Variants in PREX1 observed in about 807,000 individuals in gnomAD.
PREX1 encodes the protein phosphatidylinositol-3,4,5-trisphosphate dependent Rac exchange factor 1.
A neutral mutation model predicts 198.3 loss-of-function variants in PREX1; 41 were observed. That is an observed-to-expected ratio of 0.21 (90% CI 0.16 to 0.27). The LOEUF (loss-of-function observed/expected upper bound fraction) is 0.27, where lower values mean the gene tolerates loss of function less well. PREX1 is among the 10% of genes least tolerant of loss of function. PREX1 has a pLI of 1.00. For missense variants in PREX1, 1,620 were observed against 2,200.7 expected (o/e 0.74, Z 5.28); for synonymous variants, 843 against 887.2 (o/e 0.95, Z 0.89).
At chr20:48,764,510 C>T (rs1461354675) in intron 1 of PREX1, among the ~76,000 whole-genome samples, 4 of 152,080 alleles carry the variant, frequency 2.6e-5, no homozygotes, top group East Asian at 1.9e-4. Flanking sequence ...GGGCTAGGCA[C>T]GATGGCTGAA....
At chr20:48,873,554 C>CAAAAAAAAAA in the PREX1 span, among the ~76,000 whole-genome samples, 1 of 70,100 alleles carries the variant, frequency 1.4e-5, no homozygotes, top group Admixed American at 1.8e-4. Flanking sequence ...AGTAAAAATA[C>CAAAAAAAAAA]AAAAAAAAAA....
At chr20:48,887,504 C>A in the PREX1 span, among the ~76,000 whole-genome samples, 4 of 152,154 alleles carry the variant, frequency 2.6e-5, no homozygotes, top group Admixed American at 1.3e-4. Flanking sequence ...CCTGTGGTCC[C>A]AGCTACTTGG....
At position 48,760,357 on chromosome 20, in the gene PREX1, C is replaced by T. The variant is rs4810874; in HGVS notation, c.220-12477G>A. ...AAATAGCTCTATTATTATAGACTGC[C>T]TGCTTCCGAGTCTCCTGAGGTGAGA... is the stretch of plus-strand genomic sequence containing the variant. On this transcript the variant is annotated intron_variant, in intron 1 of 39. Transcript: ENST00000371941. 1.4e-3 allele frequency among the ~76,000 whole-genome samples: 210 copies of T among 152,126 alleles called. 4 individuals are homozygous for T. The highest frequency in any genetic ancestry group is 0.013 in the East Asian group (66 of 5,188).
At position 48,827,135 on chromosome 20, in the gene PREX1, A is replaced by C. The variant is rs1363405251; in HGVS notation, c.219+507T>G. The stretch of plus-strand genomic sequence containing the variant: ...CAAAAACCTGTGCATGGGGGATTCT[A>C]CCCTGGGGTTCTGTCAATCCCCGCC... On this transcript the variant is annotated intron_variant, in intron 1 of 39. Coordinates refer to ENST00000371941, the MANE Select transcript of PREX1 (RefSeq NM_020820.4). This position sits in a 1 kb window ranked among gnomAD's most constrained non-coding sequence, Gnocchi z 4.1. Among the ~76,000 whole-genome samples, 1 of 152,078 alleles carries C rather than the reference A, an allele frequency of 6.6e-6. No homozygotes were observed. The highest frequency in any genetic ancestry group is 2.4e-5 in the African/African-American group (1 of 41,410).
At chr20:48,853,172 A>G in the PREX1 span, among the ~76,000 whole-genome samples, 2 of 152,230 alleles carry the variant, frequency 1.3e-5, no homozygotes, top group Non-Finnish European at 2.9e-5. Context: ...ATAATTATAC[A>G]TAAATAGAAA....
At chr20:48,857,894 G>T in the PREX1 span, among the ~76,000 whole-genome samples, 8 of 152,240 alleles carry the variant, frequency 5.3e-5, no homozygotes, top group Non-Finnish European at 8.8e-5. Context: ...CATGCCCAGA[G>T]CCAGGTAAAA....
intron 1 of PREX1, among the ~76,000 whole-genome samples, chr20:48,798,739 T>C (rs982874077): frequency 1.3e-5 from 2 of 152,142 alleles, no homozygotes; most frequent in African/African-American, 4.8e-5. Context: ...TGGAGGAGCT[T>C]TGGCATGCAG....
chr20:48,862,790 A>AATATATATATATATATATATATATATAT, the PREX1 span, among the ~76,000 whole-genome samples: 1 of 102,584 alleles, frequency 9.7e-6, no homozygotes. Context: ...TAAAAAAAAA[A>AATATATATATATATATATATATATATAT]ATATATATAT....
the PREX1 span, among the ~76,000 whole-genome samples, chr20:48,833,914 T>G: frequency 6.6e-6 from 1 of 152,076 alleles, no homozygotes; most frequent in Non-Finnish European, 1.5e-5. Flanking sequence ...AAACCCCATC[T>G]TTACTAAAAA....
intron 1 of PREX1, among the ~76,000 whole-genome samples, chr20:48,798,499 A>C (rs2059018276): frequency 6.6e-6 from 1 of 152,158 alleles, no homozygotes; most frequent in Non-Finnish European, 1.5e-5. Context: ...AAGGCCCTGC[A>C]TGCTCTGTCC....
chr20:48,801,166 A>T (rs1200084038), intron 1 of PREX1, among the ~76,000 whole-genome samples: 1 of 152,220 alleles, frequency 6.6e-6, no homozygotes, highest in African/African-American at 2.4e-5. Context: ...AGAACCAGCT[A>T]CTAGTAGCAG....
intron 5 of PREX1, among the ~76,000 whole-genome samples, chr20:48,714,100 G>T (rs1260551338): frequency 2.0e-5 from 3 of 152,068 alleles, no homozygotes; most frequent in Non-Finnish European, 4.4e-5. Flanking sequence ...ATGGATCACA[G>T]ACCTAAATGT....
At chr20:48,671,438 A>C (rs1250258907) in intron 14 of PREX1, among the ~76,000 whole-genome samples, 2 of 152,244 alleles carry the variant, frequency 1.3e-5, no homozygotes, top group African/African-American at 2.4e-5. Flanking sequence ...CTAGGACCAC[A>C]AACTCCAGAC....
At chr20:48,658,584 A>G (rs573180686) in intron 16 of PREX1, among the ~76,000 whole-genome samples, 4 of 152,322 alleles carry the variant, frequency 2.6e-5, no homozygotes, top group South Asian at 2.1e-4. Context: ...CATTCAGTCA[A>G]CAGACATTGA....
upstream of PREX1, among the ~76,000 whole-genome samples, chr20:48,828,392 C>T (rs373164298): frequency 1.6e-4 from 24 of 152,250 alleles, no homozygotes; most frequent in South Asian, 1.4e-3. Context: ...CGCGCGCAGG[C>T]TCCTGCTTGC....
At chr20:48,704,622 G>C (rs967068873) in intron 6 of PREX1, among the ~76,000 whole-genome samples, 2 of 151,614 alleles carry the variant, frequency 1.3e-5, no homozygotes, top group African/African-American at 4.8e-5. Context: ...GCAGTGGTGT[G>C]ATCTCAGCTC....
At chr20:48,637,432 C>A (rs1019415295) in intron 31 of PREX1, among the ~76,000 whole-genome samples, 1 of 152,244 alleles carries the variant, frequency 6.6e-6, no homozygotes, top group African/African-American at 2.4e-5. Context: ...GGGCTGAAGG[C>A]TCTACCGGCA....
chr20:48,703,316 T>C (rs1441359319), intron 6 of PREX1, among the ~76,000 whole-genome samples: 1 of 152,234 alleles, frequency 6.6e-6, no homozygotes, highest in Non-Finnish European at 1.5e-5. Context: ...GACAGGAGCC[T>C]GCATTCGTTA....
intron 1 of PREX1, among the ~76,000 whole-genome samples, chr20:48,773,905 G>A (rs1601127500): frequency 6.6e-6 from 1 of 152,162 alleles, no homozygotes; most frequent in African/African-American, 2.4e-5. Flanking sequence ...TCCTGCAATC[G>A]TCCAGGCGGG....
Sources: allele counts gnomAD v4.1 joint callset (sites outside exome capture counted in the v4.1 genomes callset), GRCh38; gene constraint gnomAD v4.1.1; non-coding constraint Gnocchi (gnomAD v3.1); transcripts MANE v1.5; gene names NCBI Gene and HGNC (gene_info 2026-07-23, HGNC 2026-07-21).